Variants in CRCP observed in about 807,000 individuals in gnomAD.
The protein encoded by CRCP is CGRP receptor component.
CRCP carries 18 observed loss-of-function variants against 18.5 expected under a neutral mutation model. That is an observed-to-expected ratio of 0.97 (90% confidence interval 0.67 to 1.44). The LOEUF (loss-of-function observed/expected upper bound fraction) is 1.44. CRCP is among the 40% of genes most tolerant of loss of function. The pLI is 0.00. For synonymous variants in CRCP, 53 were observed against 62.9 expected, an observed-to-expected ratio of 0.84 and a Z score of 0.75; for missense variants, 130 against 176.4, an observed-to-expected ratio of 0.74 and a Z score of 1.49.
chr7:66,126,359 G>A (rs1787618289), intron 1 of CRCP, among the ~76,000 whole-genome samples: 1 of 60,678 alleles, frequency 1.6e-5, no homozygotes, highest in Admixed American at 2.0e-4. Flanking sequence ...GGTCTCTGTT[G>A]CACATTACAA....
chr7:66,151,202 G>C (rs1249679446), intron 5 of CRCP, among the ~76,000 whole-genome samples: 2 of 152,148 alleles, frequency 1.3e-5, no homozygotes, highest in Admixed American at 1.3e-4. Context: ...GTGGGAGTGA[G>C]GATTAGAAGA....
At chr7:66,133,399 T>G (rs1787868174) in intron 3 of CRCP, among the ~76,000 whole-genome samples, 2 of 151,748 alleles carry the variant, frequency 1.3e-5, no homozygotes, top group African/African-American at 4.8e-5. Flanking sequence ...TCCCAGCTAC[T>G]TGGGAGGCTG....
chr7:66,132,445 G>A (rs1224644924), intron 3 of CRCP, among the ~76,000 whole-genome samples: 1 of 152,166 alleles, frequency 6.6e-6, no homozygotes, highest in Non-Finnish European at 1.5e-5. Context: ...CAAAACCTAT[G>A]GCTTTTGAGG....
intron 3 of CRCP, among the ~76,000 whole-genome samples, chr7:66,131,721 T>A (rs1272865153): frequency 6.6e-6 from 1 of 152,108 alleles, no homozygotes; most frequent in Non-Finnish European, 1.5e-5. Context: ...ATCACATCAT[T>A]GCAAATCAAA....
chr7:66,122,291 C>T (rs1480379059), intron 1 of CRCP, among the ~76,000 whole-genome samples: 1 of 148,318 alleles, frequency 6.7e-6, no homozygotes, highest in Non-Finnish European at 1.5e-5. Context: ...AGGAGAATGG[C>T]ATGAACCCGG....
At chr7:66,134,145 C>G in intron 3 of CRCP, 135 bp from the exon 4 acceptor site, 1 of 654,392 alleles carries the variant, frequency 1.5e-6, no homozygotes, top group Non-Finnish European at 2.6e-6. Context: ...CAGGTGTGAG[C>G]CACCGTGCCC....
intron 2 of CRCP, among the ~76,000 whole-genome samples, chr7:66,128,288 G>A (rs1454975227): frequency 6.6e-6 from 1 of 152,044 alleles, no homozygotes; most frequent in Non-Finnish European, 1.5e-5. Context: ...TTTTAGAGGG[G>A]GCAACCTTCT....
chr7:66,131,988 C>T (rs1397925592), intron 3 of CRCP, among the ~76,000 whole-genome samples: 2 of 13,884 alleles, frequency 1.4e-4, no homozygotes, highest in African/African-American at 3.9e-4. Flanking sequence ...ATCAAACTCC[C>T]GACCTCATGT....
chr7:66,123,558 G>A (rs374710439), intron 1 of CRCP, among the ~76,000 whole-genome samples: 1 of 151,934 alleles, frequency 6.6e-6, no homozygotes, highest in African/African-American at 2.4e-5. Flanking sequence ...AGACCAGCCT[G>A]ACCAACATGG....
intron 1 of CRCP, among the ~76,000 whole-genome samples, chr7:66,120,212 A>C (rs1787396401): frequency 6.6e-6 from 1 of 152,158 alleles, no homozygotes; most frequent in South Asian, 2.1e-4. Flanking sequence ...AAAAAGAAAA[A>C]AAAATGTTTT....
intron 1 of CRCP, among the ~76,000 whole-genome samples, chr7:66,120,060 T>G (rs1336308114): frequency 6.6e-6 from 1 of 151,786 alleles, no homozygotes; most frequent in Non-Finnish European, 1.5e-5. Context: ...CGGGCGCCCG[T>G]AGTCCCAGCT....
Position 66,152,386 on chromosome 7 carries a change from G to T in CRCP, c.*29G>T. The T allele has an allele frequency of 6.2e-7, 1 of 1,611,826 alleles. No homozygotes were observed. The highest frequency in any genetic ancestry group is 8.5e-7 in the Non-Finnish European group (1 of 1,178,958). Reference sequence around the variant, plus strand: ...AGCACAGCTGGCCCCGGCGTTTCATGAAGTCAGAAGGCCTGGCAGCCATTT... The same window carrying T: ...AGCACAGCTGGCCCCGGCGTTTCATTAAGTCAGAAGGCCTGGCAGCCATTT... On this transcript the variant is annotated 3_prime_UTR_variant, in exon 6 of 6. Coordinates refer to ENST00000395326, the MANE Select transcript of CRCP (RefSeq NM_014478.5).
At chr7:66,146,933 A>T (rs917420646) in intron 5 of CRCP, among the ~76,000 whole-genome samples, 1 of 152,188 alleles carries the variant, frequency 6.6e-6, no homozygotes, top group African/African-American at 2.4e-5. Context: ...TCAGCAACAT[A>T]TGTTACTCAT....
chr7:66,140,281 C>G (rs977074834), intron 4 of CRCP, among the ~76,000 whole-genome samples: 1 of 152,266 alleles, frequency 6.6e-6, no homozygotes, highest in Non-Finnish European at 1.5e-5. Flanking sequence ...CATCCATCCT[C>G]CACCCCAAAT....
chr7:66,142,647 T>A (rs533206962), intron 4 of CRCP, among the ~76,000 whole-genome samples: 4 of 152,344 alleles, frequency 2.6e-5, no homozygotes, highest in South Asian at 4.1e-4. Flanking sequence ...TATGCCACCA[T>A]GCTTGGCTAA....
intron 5 of CRCP, among the ~76,000 whole-genome samples, chr7:66,150,085 C>T (rs1189638459): frequency 1.3e-5 from 2 of 151,252 alleles, no homozygotes; most frequent in East Asian, 2.0e-4. Context: ...GGATTACAGG[C>T]GTGAGCCACC....
intron 1 of CRCP, among the ~76,000 whole-genome samples, chr7:66,119,977 TC>T (rs1156983498): frequency 2.0e-5 from 3 of 151,956 alleles, no homozygotes; most frequent in African/African-American, 7.2e-5. Flanking sequence ...GGTCAGGAGA[TC>T]GAGACCATCC....
intron 3 of CRCP, among the ~76,000 whole-genome samples, chr7:66,132,603 C>A (rs1787840948): frequency 6.6e-6 from 1 of 152,094 alleles, no homozygotes; most frequent in African/African-American, 2.4e-5. Flanking sequence ...TCTACTGTTT[C>A]TTCATTTCCA....
At chr7:66,148,301 G>A (rs1341616740) in intron 5 of CRCP, among the ~76,000 whole-genome samples, 1 of 152,166 alleles carries the variant, frequency 6.6e-6, no homozygotes, top group African/African-American at 2.4e-5. Context: ...GGCGGAAGTT[G>A]TAGTGAGCGA....
Sources: allele counts gnomAD v4.1 joint callset (sites outside exome capture counted in the v4.1 genomes callset), GRCh38; gene constraint gnomAD v4.1.1; transcripts MANE v1.5; gene names NCBI Gene and HGNC (gene_info 2026-07-23, HGNC 2026-07-21).